ATG10: variants seen among roughly 807,000 people sequenced by gnomAD.
ATG10 encodes the protein autophagy related 10.
ATG10 carries 30 observed loss-of-function variants against 32.1 expected under a neutral mutation model. The ratio of observed to expected loss-of-function variants is 0.94; its 90% confidence interval spans 0.70 to 1.27. ATG10 has a LOEUF of 1.27. ATG10 is among the 50% of genes most tolerant of loss of function. The probability of loss-of-function intolerance (pLI) is 0.00; values close to 1 mark genes in which losing one functional copy is unlikely to be tolerated. For missense variants in ATG10, 233 were observed against 262.3 expected (o/e 0.89, Z 0.77); for synonymous variants, 87 against 91.5 (o/e 0.95, Z 0.28).
At chr5:82,004,109 C>G (rs1761924417) in intron 2 of ATG10, among the ~76,000 whole-genome samples, 1 of 147,374 alleles carries the variant, frequency 6.8e-6, no homozygotes, top group South Asian at 2.2e-4. Context: ...TTCCAGCCTG[C>G]TCTGTCGCCC....
chr5:82,016,547 G>A (rs1337481824), intron 2 of ATG10, among the ~76,000 whole-genome samples: 1 of 152,054 alleles, frequency 6.6e-6, no homozygotes. Flanking sequence ...GTTTAGTCTT[G>A]CTTTAGCTAT....
intron 3 of ATG10, among the ~76,000 whole-genome samples, chr5:82,090,662 T>G (rs1040826937): frequency 2.0e-5 from 3 of 152,140 alleles, no homozygotes; most frequent in Non-Finnish European, 4.4e-5. Context: ...CTTGTGATGG[T>G]GGAAATGCTC....
intron 2 of ATG10, among the ~76,000 whole-genome samples, chr5:82,050,527 C>T (rs999808120): frequency 7.9e-5 from 12 of 151,588 alleles, no homozygotes; most frequent in African/African-American, 2.2e-4. Flanking sequence ...TAGGTTGATT[C>T]GAAATTTGAA....
chr5:82,090,029 A>G (rs1764827325), intron 3 of ATG10, among the ~76,000 whole-genome samples: 1 of 151,686 alleles, frequency 6.6e-6, no homozygotes, highest in African/African-American at 2.4e-5. Context: ...TAAAACAACA[A>G]TGAGATATCA....
chr5:82,014,499 G>T (rs1405873530), intron 2 of ATG10, among the ~76,000 whole-genome samples: 2 of 152,198 alleles, frequency 1.3e-5, no homozygotes, highest in Admixed American at 6.5e-5. Context: ...CTTGCTTTAT[G>T]AATCTGGGTG....
intron 2 of ATG10, among the ~76,000 whole-genome samples, chr5:82,018,254 C>T (rs1301383962): frequency 6.6e-6 from 1 of 152,080 alleles, no homozygotes; most frequent in Non-Finnish European, 1.5e-5. Context: ...CTATCTTTAA[C>T]TCCTTTATTT....
chr5:82,066,385 T>C (rs1209054716), intron 3 of ATG10, among the ~76,000 whole-genome samples: 4 of 152,200 alleles, frequency 2.6e-5, no homozygotes, highest in Admixed American at 1.3e-4. Flanking sequence ...AAGCATATTT[T>C]ATTTATCCAT....
intron 4 of ATG10, among the ~76,000 whole-genome samples, chr5:82,169,096 G>C (rs941384001): frequency 6.6e-6 from 1 of 152,162 alleles, no homozygotes; most frequent in Non-Finnish European, 1.5e-5. Flanking sequence ...TGAAGGACCA[G>C]TTTGGAGTAG....
At chr5:82,043,747 T>C (rs1336089961) in intron 2 of ATG10, among the ~76,000 whole-genome samples, 1 of 152,198 alleles carries the variant, frequency 6.6e-6, no homozygotes, top group Non-Finnish European at 1.5e-5. Flanking sequence ...GCTGCCAGTC[T>C]CTTTGCTAAA....
intron 5 of ATG10, among the ~76,000 whole-genome samples, chr5:82,242,612 A>G (rs1457160904): frequency 6.6e-6 from 1 of 152,196 alleles, no homozygotes; most frequent in East Asian, 1.9e-4. Context: ...CTTAAAGCGA[A>G]TGACAATTAG....
At chr5:82,251,051 C>T (rs753076636) in intron 5 of ATG10, among the ~76,000 whole-genome samples, 13 of 152,158 alleles carry the variant, frequency 8.5e-5, no homozygotes, top group Admixed American at 2.0e-4. Flanking sequence ...GGAGATGGCA[C>T]TCAGGGAGAA....
At chr5:82,035,546 A>G (rs947470703) in intron 2 of ATG10, among the ~76,000 whole-genome samples, 1 of 151,996 alleles carries the variant, frequency 6.6e-6, no homozygotes, top group Admixed American at 6.6e-5. Context: ...GATATTGCTG[A>G]TTTCTAAATT....
intron 5 of ATG10, among the ~76,000 whole-genome samples, chr5:82,238,796 A>G (rs568095422): frequency 6.6e-6 from 1 of 152,326 alleles, no homozygotes; most frequent in Non-Finnish European, 1.5e-5. Context: ...AGGTGGGAGT[A>G]AAGTAGGAAG....
chr5:82,043,900 C>G (rs1438695177), intron 2 of ATG10, among the ~76,000 whole-genome samples: 1 of 152,144 alleles, frequency 6.6e-6, no homozygotes, highest in African/African-American at 2.4e-5. Context: ...AAGTTCCAAA[C>G]TTTCTCACAT....
chr5:81,992,036 A>G (rs1761480312), intron 2 of ATG10: 1 of 151,758 alleles, frequency 6.6e-6, no homozygotes, highest in South Asian at 2.1e-4. Context: ...TGTTGTCCAG[A>G]CTGGGGTGCA....
At chr5:82,096,086 A>G (rs1315830715) in intron 3 of ATG10, among the ~76,000 whole-genome samples, 1 of 152,166 alleles carries the variant, frequency 6.6e-6, no homozygotes, top group Non-Finnish European at 1.5e-5. Flanking sequence ...ATACATCACT[A>G]ATCTTTCAAA....
At position 82,020,526 on chromosome 5, in the gene ATG10, A is replaced by G. The variant is rs1389108233; in HGVS notation, c.108+32848A>G. Among the ~76,000 whole-genome samples the G allele has an allele frequency of 2.0e-5, 3 of 152,214 alleles. No individual in the cohort carries two copies. In the East Asian group the frequency reaches 5.8e-4, roughly 29 times the overall value. ...AAACAACCATTTATTATTTCTCGGA[A>G]GTCTGCAAATTGACTGGACAGTTTT... is the stretch of plus-strand genomic sequence containing the variant. On this transcript the variant is annotated intron_variant, in intron 2 of 7. Coordinates refer to ENST00000282185, the MANE Select transcript of ATG10 (RefSeq NM_031482.5).
At chr5:82,179,220 G>A (rs1398787450) in intron 5 of ATG10, among the ~76,000 whole-genome samples, 1 of 152,088 alleles carries the variant, frequency 6.6e-6, no homozygotes, top group Non-Finnish European at 1.5e-5. Flanking sequence ...AAATTGTTAA[G>A]CTGGACCATC....
chr5:82,128,441 A>G (rs931918377), intron 3 of ATG10, among the ~76,000 whole-genome samples: 5 of 151,812 alleles, frequency 3.3e-5, no homozygotes, highest in South Asian at 2.1e-4. Flanking sequence ...TTTCCTTTCC[A>G]TATTTAGTGC....
Sources: allele counts gnomAD v4.1 joint callset (sites outside exome capture counted in the v4.1 genomes callset), GRCh38; gene constraint gnomAD v4.1.1; transcripts MANE v1.5; gene names NCBI Gene and HGNC (gene_info 2026-07-23, HGNC 2026-07-21).